CLTC: variants seen among roughly 807,000 people sequenced by gnomAD.
The protein encoded by CLTC is clathrin heavy chain 1.
A neutral mutation model predicts 195.8 loss-of-function variants in CLTC; 16 were observed. The ratio of observed to expected loss-of-function variants is 0.08; its 90% confidence interval spans 0.06 to 0.12. CLTC has a LOEUF of 0.12. Among genes scored for constraint, CLTC ranks in the 10% least tolerant of loss-of-function variants. CLTC has a pLI of 1.00. For synonymous variants in CLTC, 667 were observed against 689.4 expected, an observed-to-expected ratio of 0.97 and a Z score of 0.51; for missense variants, 796 against 2,027.0, an observed-to-expected ratio of 0.39 and a Z score of 11.66.
At chr17:59,665,222 A>C (rs2032701834) in intron 10 of CLTC, among the ~76,000 whole-genome samples, 1 of 57,842 alleles carries the variant, frequency 1.7e-5, no homozygotes, top group Non-Finnish European at 4.9e-5. Context: ...GAGACTCTCA[A>C]AAAGAAAAAA....
chr17:59,651,225 C>T lies in CLTC; in HGVS notation c.704C>T (p.Thr235Ile), dbSNP rs1357308583. Residue 235 changes from threonine (T) to isoleucine (I), a missense_variant, in exon 5 of 32, where the codon ACA (threonine) becomes ATA (isoleucine). By Grantham distance (89) the Thr-to-Ile change is moderately conservative. Coordinates refer to ENST00000269122, the MANE Select transcript of CLTC (RefSeq NM_004859.4). ...GGKLHIIEVGTPPTGNQPFPK... is the reference protein window; with the variant it reads ...GGKLHIIEVGIPPTGNQPFPK... ...CAGTTACATATTATTGAAGTTGGCA[C>T]ACCACCTACAGGGAACCAGCCCTTT... The T allele has an allele frequency of 1.9e-6, 3 of 1,611,922 alleles. No homozygotes were observed. Among genetic ancestry groups the T allele is most frequent in the African/African-American group, 1.3e-5 (1 of 74,858 alleles).
At position 59,644,389 on chromosome 17, in the gene CLTC, C is replaced by T. The variant is rs370751913; in HGVS notation, c.156C>T (p.Ile52=). 1.1e-5 allele frequency: 18 copies of T among 1,613,978 alleles called. No individual in the cohort carries two copies. Among genetic ancestry groups the T allele is most frequent in the Non-Finnish European group, 1.5e-5 (18 of 1,179,998 alleles). Reference sequence around the variant, plus strand: ...TAGGAGAGCAGGCCCAGGTGGTAATCATTGATATGAATGACCCAAGTAATC... The same window carrying T: ...TAGGAGAGCAGGCCCAGGTGGTAATTATTGATATGAATGACCCAAGTAATC... ...EKVGEQAQVV[I]IDMNDPSNPI... The change falls in exon 2 of 32, where the codon ATC becomes ATT. Residue 52 remains isoleucine, a synonymous_variant. Transcript: ENST00000269122.
chr17:59,649,771 A>G (rs1253232771), intron 4 of CLTC, among the ~76,000 whole-genome samples: 8 of 152,232 alleles, frequency 5.3e-5, no homozygotes, highest in Admixed American at 5.2e-4. Context: ...GGATAATGCT[A>G]CCAACACCTC....
rs564078864 is a variant in CLTC, at chr17:59,692,301, G to A, written c.4904-1427G>A. Among the ~76,000 whole-genome samples, 6 of 143,670 alleles carry A rather than the reference G, an allele frequency of 4.2e-5. No individual in the cohort carries two copies. The East Asian group carries it at 6.3e-4, about 15-fold the overall frequency. 94.3% of individuals were successfully genotyped at this position (143,670 alleles called of 152,430 possible). ...CACTGCATTCCCTGGGCGACAGAGC[G>A]AGACTCCGTCTCAAAAAATAATAAT... On this transcript the variant is annotated intron_variant, in intron 31 of 31. Coordinates refer to ENST00000269122, the MANE Select transcript of CLTC (RefSeq NM_004859.4).
chr17:59,676,881 ATAGT>A (rs1171338146), intron 16 of CLTC, 69 bp from the exon 17 acceptor site: 50 of 1,099,398 alleles, frequency 4.5e-5, no homozygotes, highest in East Asian at 3.6e-4. Context: ...AGGTATTTAC[ATAGT>A]TAGCATGTCA....
intron 18 of CLTC, 66 bp from the exon 19 acceptor site, chr17:59,680,846 G>A: frequency 1.5e-6 from 2 of 1,352,176 alleles, no homozygotes; most frequent in Non-Finnish European, 2.0e-6. Context: ...TCTAATGAGA[G>A]GCCAACTTAC....
chr17:59,666,982 T>TA lies in CLTC; in HGVS notation c.2128+5_2128+6insA, dbSNP rs2032745709. ...AATCTTTCAAGAGTTTTGAAGGTAATTAGGAGTTTTTGAGTTTTTAAAAAA... is the reference window on the plus strand; with the variant it reads ...AATCTTTCAAGAGTTTTGAAGGTAATATAGGAGTTTTTGAGTTTTTAAAAAA... On this transcript the variant is annotated splice_donor_region_variant and intron_variant, in intron 13 of 31. Transcript: ENST00000269122. The surrounding 1 kb of genome is among the most constrained non-coding windows in gnomAD (Gnocchi z 4.9). 1 of 1,605,960 alleles carries TA rather than the reference T, an allele frequency of 6.2e-7. No homozygotes were observed. The highest frequency in any genetic ancestry group is 1.3e-5 in the African/African-American group (1 of 74,646).
Position 59,620,027 on chromosome 17 carries a change from G to A in CLTC, c.-105G>A. 3 of 1,017,478 alleles carry A rather than the reference G, an allele frequency of 2.9e-6. No individual in the cohort carries two copies. Among genetic ancestry groups the A allele is most frequent in the Non-Finnish European group, 4.5e-6 (3 of 664,332 alleles). 63.0% of individuals were successfully genotyped at this position (1,017,478 alleles called of 1,614,324 possible). A position where few individuals can be genotyped will look rare whatever the true frequency, so the allele number is the denominator to read the frequency against. ...GCGTCCCCGGAGAGGATCCTGCTGA[G>A]CCCAGCCTCCCCCCTCCCCTTCTCC... On this transcript the variant is annotated 5_prime_UTR_variant, in exon 1 of 32. Transcript: ENST00000269122.
At chr17:59,690,556 A>G in intron 30 of CLTC, 80 bp from the exon 31 acceptor site, 1 of 940,006 alleles carries the variant, frequency 1.1e-6, no homozygotes, top group Non-Finnish European at 1.7e-6. Context: ...TTAACATACT[A>G]AGGCTTTTCC....
chr17:59,628,370 A>T (rs764358760), intron 1 of CLTC, among the ~76,000 whole-genome samples: 2 of 152,190 alleles, frequency 1.3e-5, no homozygotes, highest in Non-Finnish European at 2.9e-5. Context: ...TTGTATTTGT[A>T]GTATAATATT....
chr17:59,620,382 A>G (rs763799645), intron 1 of CLTC, among the ~76,000 whole-genome samples: 1 of 152,038 alleles, frequency 6.6e-6, no homozygotes, highest in South Asian at 2.1e-4. Flanking sequence ...TTGGGGTGCA[A>G]AGAGCTGCAA....
intron 1 of CLTC, among the ~76,000 whole-genome samples, chr17:59,626,688 C>A (rs1294456224): frequency 6.6e-6 from 1 of 152,132 alleles, no homozygotes; most frequent in Non-Finnish European, 1.5e-5. Context: ...ATGAAATAAA[C>A]CTGTCTTCTG....
Position 59,673,748 on chromosome 17 carries a change from G to A in CLTC, c.2394G>A (p.Lys798=). 7.5e-7 allele frequency: 1 copy of A among 1,337,266 alleles called. No individual in the cohort carries two copies. The highest frequency in any genetic ancestry group is 1.1e-6 in the Non-Finnish European group (1 of 928,526). The allele number at this position is 1,337,266 out of a possible 1,614,324, so 82.8% of individuals were successfully genotyped here. A position where few individuals can be genotyped will look rare whatever the true frequency, so the allele number is the denominator to read the frequency against. Residue 798 remains lysine, a synonymous_variant, in exon 15 of 32, where the codon AAG becomes AAA. Transcript: ENST00000269122. ...VLYLYRNNLQ[K]YIEIYVQKVN... ...ATTTATATAGAAATAATCTTCAAAA[G>A]TATATAGAGATATATGTACAGAAGG...
chr17:59,692,796 C>T (rs2033336612), intron 31 of CLTC, among the ~76,000 whole-genome samples: 1 of 152,008 alleles, frequency 6.6e-6, no homozygotes, highest in African/African-American at 2.4e-5. Flanking sequence ...ACCACCACGC[C>T]CGGCTAATTT....
chr17:59,673,514 A>C (rs953964983), intron 14 of CLTC, 133 bp from the exon 15 acceptor site: 9 of 651,578 alleles, frequency 1.4e-5, no homozygotes, highest in Non-Finnish European at 1.6e-5. Flanking sequence ...CTATTGGGAC[A>C]TTCTTTCTTT....
At chr17:59,649,088 A>G (rs1205138192) in intron 4 of CLTC, among the ~76,000 whole-genome samples, 3 of 152,214 alleles carry the variant, frequency 2.0e-5, no homozygotes, top group Non-Finnish European at 4.4e-5. Flanking sequence ...AGATTGTAGT[A>G]CTTTGTATAT....
At chr17:59,644,538 T>TA (rs2032134361) in intron 2 of CLTC, 55 bp downstream of exon 2, 1 of 1,382,448 alleles carries the variant, frequency 7.2e-7, no homozygotes, top group Admixed American at 2.2e-5. Flanking sequence ...TGTTTTTTTT[T>TA]GTTTTTTTTT....
At chr17:59,677,236 C>T in intron 17 of CLTC, 48 bp downstream of exon 17, 1 of 1,424,780 alleles carries the variant, frequency 7.0e-7, no homozygotes, top group South Asian at 1.2e-5. Flanking sequence ...TTTTAAAAAC[C>T]TGTTACATGA....
In CLTC at chr17:59,666,317, C is replaced by G; in HGVS notation, c.1782+77C>G. The G allele has an allele frequency of 6.4e-7, 1 of 1,558,386 alleles. No homozygotes were observed. Among genetic ancestry groups the G allele is most frequent in the Non-Finnish European group, 8.8e-7 (1 of 1,136,294 alleles). ...GTGCAGCGCCTCTCAGATTGTTATG[C>G]AAAGCTACTGAGGGGCCTACTCCTT... is the stretch of plus-strand genomic sequence containing the variant. On this transcript the variant is annotated intron_variant, in intron 11 of 31. Transcript: ENST00000269122. This position sits in a 1 kb window ranked among gnomAD's most constrained non-coding sequence, Gnocchi z 4.9.
Sources: gnomAD v4.1 joint callset for allele counts (sites outside exome capture counted in the v4.1 genomes callset) on GRCh38, gnomAD v4.1.1 for gene constraint, Gnocchi (gnomAD v3.1) non-coding constraint, MANE v1.5 for transcripts, NCBI Gene and HGNC (gene_info 2026-07-23, HGNC 2026-07-21) for gene names.